Variants in APEH observed in about 807,000 individuals in gnomAD.
The protein encoded by APEH is acylaminoacyl-peptide hydrolase.
APEH carries 75 observed loss-of-function variants against 102.7 expected under a neutral mutation model. That is an observed-to-expected ratio of 0.73 (90% CI 0.61 to 0.89). The LOEUF is 0.89. Among genes scored for constraint, APEH ranks in the 40% least tolerant of loss-of-function variants. APEH has a pLI of 0.00. For missense variants in APEH, 863 were observed against 941.2 expected (o/e 0.92, Z 1.09); for synonymous variants, 344 against 362.7 (o/e 0.95, Z 0.59).
At chr3:49,675,116 G>A (rs1196748636) in intron 2 of APEH, 67 bp from the exon 3 acceptor site, 1 of 1,605,572 alleles carries the variant, frequency 6.2e-7, no homozygotes, top group African/African-American at 1.3e-5. Flanking sequence ...CCTGGGTCAG[G>A]TGGGGCTGGG....
At chr3:49,678,759 C>T (rs541562067) in intron 11 of APEH, 93 bp from the exon 12 acceptor site, 1 of 1,056,446 alleles carries the variant, frequency 9.5e-7, no homozygotes. Context: ...TGAGTAGGGC[C>T]CTGGGTGAAT....
Position 49,679,848 on chromosome 3 carries a change from G to A in APEH, c.1210+204G>A. 1 of 554,958 alleles carries A rather than the reference G, an allele frequency of 1.8e-6. No individual in the cohort carries two copies. The highest frequency in any genetic ancestry group is 2.0e-5 in the South Asian group (1 of 51,188). 34.4% of individuals were successfully genotyped at this position (554,958 alleles called of 1,614,324 possible). ...ACCCAACCAACAGACTAGCTTCCCT[G>A]CTCTACTGCCCTTTAGCACTCAACT... On this transcript the variant is annotated intron_variant, in intron 13 of 21. Transcript: ENST00000296456. The surrounding 1 kb of genome is among the most constrained non-coding windows in gnomAD (Gnocchi z 4.3).
Position 49,679,019 on chromosome 3 carries a change from T to G in APEH, c.1158+70T>G. The G allele has an allele frequency of 7.7e-7, 1 of 1,293,378 alleles. No homozygotes were observed. The highest frequency in any genetic ancestry group is 1.1e-6 in the Non-Finnish European group (1 of 902,820). 80.1% of individuals were successfully genotyped at this position (1,293,378 alleles called of 1,614,324 possible). A position where few individuals can be genotyped will look rare whatever the true frequency, so the allele number is the denominator to read the frequency against. On this transcript the variant is annotated intron_variant, in intron 12 of 21. Transcript: ENST00000296456. The surrounding 1 kb of genome is among the most constrained non-coding windows in gnomAD (Gnocchi z 4.3). ...CCCCAGGAGCCCTGGGGGTTGCATG[T>G]GCATGCCCCTGGGTGGAATGCCCAG...
Position 49,676,125 on chromosome 3 carries a change from C to A in APEH, c.512C>A (p.Pro171His). 6.2e-7 allele frequency: 1 copy of A among 1,614,214 alleles called. No homozygotes were observed. The highest frequency in any genetic ancestry group is 8.5e-7 in the Non-Finnish European group (1 of 1,180,038). Residue 171 changes from proline to histidine, a missense_variant, in exon 6 of 22, where the codon CCC (proline) becomes CAC (histidine). Transcript: ENST00000296456. ...HLLYVAEKKR[P>H]KAESFFQTKA... ...TTGTATGTGGCAGAGAAGAAGCGCC[C>A]CAAGGCCGAGTCCTTCTTTCAGACC... is the stretch of plus-strand genomic sequence containing the variant.
At chr3:49,682,016 G>C in intron 17 of APEH, 49 bp downstream of exon 17, 1 of 1,571,364 alleles carries the variant, frequency 6.4e-7, no homozygotes, top group Non-Finnish European at 8.8e-7. Context: ...GTGGAGTGAC[G>C]GGGGTGGACC....
rs2053448271 is a variant in APEH, at chr3:49,683,424, A to C, written c.*82A>C. Reference sequence around the variant, plus strand: ...CTCAACGGTCTGGCAGGGCAGCAGGAGGCTTTCTGGGCTCTGGACTCCACG... The same window carrying C: ...CTCAACGGTCTGGCAGGGCAGCAGGCGGCTTTCTGGGCTCTGGACTCCACG... On this transcript the variant is annotated 3_prime_UTR_variant, in exon 22 of 22. Transcript: ENST00000296456. 2 of 1,276,494 alleles carry C rather than the reference A, an allele frequency of 1.6e-6. No individual in the cohort carries two copies. The highest frequency in any genetic ancestry group is 1.7e-5 in the Admixed American group (1 of 59,118). 79.1% of individuals were successfully genotyped at this position (1,276,494 alleles called of 1,614,324 possible).
In APEH at chr3:49,674,589, A is replaced by G. The variant is rs373871160; in HGVS notation, c.113A>G (p.Gln38Arg). Residue 38 changes from glutamine to arginine, a missense_variant, in exon 2 of 22, where the codon CAG (glutamine) becomes CGG (arginine). By Grantham distance (43) the Gln-to-Arg change is conservative. Coordinates refer to ENST00000296456, the MANE Select transcript of APEH (RefSeq NM_001640.4). ...AACLGPEVTT[Q>R]YGGQYRTVHT... ...TGCCTGGGCCCGGAGGTCACCACGC[A>G]GTACGGCGGCCAATACCGGACGGTG... The G allele has an allele frequency of 6.3e-4, 996 of 1,580,930 alleles. 7 individuals are homozygous for G. The South Asian group carries it at 6.9e-3, about 11-fold the overall frequency.
intron 14 of APEH, 76 bp downstream of exon 14, chr3:49,680,705 C>T: frequency 4.5e-6 from 6 of 1,342,484 alleles, no homozygotes; most frequent in Non-Finnish European, 6.3e-6. Context: ...GGGAATTGGC[C>T]CCAGAGTCTG....
At chr3:49,675,425 T>G in intron 3 of APEH, 116 bp downstream of exon 3, 1 of 1,430,576 alleles carries the variant, frequency 7.0e-7, no homozygotes, top group Non-Finnish European at 9.5e-7. Context: ...CTTGCCCCCT[T>G]GGGAGCTCAT....
At position 49,676,221 on chromosome 3, in the gene APEH, T is replaced by C. The variant is rs1280627014; in HGVS notation, c.606+2T>C. On this transcript the variant is annotated splice_donor_variant, in intron 6 of 21. Transcript: ENST00000296456. LOFTEE classifies it high-confidence loss of function. ...AAGAAGCCAGACCAAGCCATCAAGGTGCTCGTGGTCAATCCACGAAGGCCC... is the reference window on the plus strand; with the variant it reads ...AAGAAGCCAGACCAAGCCATCAAGGCGCTCGTGGTCAATCCACGAAGGCCC... 4 of 1,613,614 alleles carry C rather than the reference T, an allele frequency of 2.5e-6. No homozygotes were observed. In the African/African-American group the frequency reaches 5.3e-5, roughly 22 times the overall value.
Position 49,676,132 on chromosome 3 carries a change from C to T in APEH, c.519C>T (p.Ala173=), listed in dbSNP as rs763159787. 5.3e-5 allele frequency: 85 copies of T among 1,614,098 alleles called. No homozygotes were observed. Among genetic ancestry groups the T allele is most frequent in the East Asian group, 2.2e-5 (1 of 44,898 alleles). ...LYVAEKKRPK[A]ESFFQTKALD... ...TGGCAGAGAAGAAGCGCCCCAAGGC[C>T]GAGTCCTTCTTTCAGACCAAAGCCT... The change falls in exon 6 of 22, where the codon GCC becomes GCT. Residue 173 remains alanine, a synonymous_variant. Coordinates refer to ENST00000296456, the MANE Select transcript of APEH (RefSeq NM_001640.4).
upstream of APEH, chr3:49,674,183 C>G (rs1180542151): frequency 8.3e-6 from 5 of 605,580 alleles, no homozygotes; most frequent in South Asian, 8.4e-5. Context: ...GACCCCTGCT[C>G]TCACCCACCC....
chr3:49,675,558 A>G (rs551879411), intron 3 of APEH, 136 bp from the exon 4 acceptor site: 803 of 1,009,272 alleles, frequency 8.0e-4, no homozygotes, highest in Non-Finnish European at 1.0e-3. Context: ...GAGGAAAGGC[A>G]AGGTGGGGCT....
Position 49,682,597 on chromosome 3 carries a change from G to A in APEH, c.1744G>A (p.Ala582Thr), listed in dbSNP as rs775821017. The change falls in exon 19 of 22, where the codon GCC (alanine) becomes ACC (threonine). Residue 582 changes from alanine (A) to threonine (T), a missense_variant. Coordinates refer to ENST00000296456, the MANE Select transcript of APEH (RefSeq NM_001640.4). ...QEEHFDASHVALMGGSHGGFI... is the reference protein window; with the variant it reads ...QEEHFDASHVTLMGGSHGGFI... ...GGAACACTTTGATGCAAGCCATGTGGCCCTTATGGGTGGTTCCCATGGTGG... is the reference window on the plus strand; with the variant it reads ...GGAACACTTTGATGCAAGCCATGTGACCCTTATGGGTGGTTCCCATGGTGG... 6.2e-7 allele frequency: 1 copy of A among 1,614,154 alleles called. No individual in the cohort carries two copies. The highest frequency in any genetic ancestry group is 2.2e-5 in the East Asian group (1 of 44,882).
In APEH at chr3:49,676,489, G is replaced by T; in HGVS notation, c.718G>T (p.Val240Phe). The T allele has an allele frequency of 6.2e-7, 1 of 1,614,264 alleles. No individual in the cohort carries two copies. Among genetic ancestry groups the T allele is most frequent in the Non-Finnish European group, 8.5e-7 (1 of 1,180,040 alleles). Residue 240 changes from valine to phenylalanine, a missense_variant, in exon 7 of 22, where the codon GTC becomes TTC. By Grantham distance (50) the Val-to-Phe change is conservative (BLOSUM62 -1). Transcript: ENST00000296456. ...ESGNISVLEG[V>F]PENVSPGQAF... Reference sequence around the variant, plus strand: ...TGGCAACATCTCTGTGCTTGAGGGGGTCCCTGAGAATGTGTCCCCTGGACA... The same window carrying T: ...TGGCAACATCTCTGTGCTTGAGGGGTTCCCTGAGAATGTGTCCCCTGGACA...
chr3:49,676,465 G>A lies in APEH; in HGVS notation c.694G>A (p.Gly232Ser). The stretch of plus-strand genomic sequence containing the variant: ...GCTCTGCGTGCTGGATGTCGAGAGT[G>A]GCAACATCTCTGTGCTTGAGGGGGT... ...PVLCVLDVES[G>S]NISVLEGVPE... The change falls in exon 7 of 22, where the codon GGC becomes AGC. Residue 232 changes from glycine to serine, a missense_variant. Physicochemically the swap from Gly to Ser is moderately conservative, Grantham distance 56. Transcript: ENST00000296456. 1 of 1,614,244 alleles carries A rather than the reference G, an allele frequency of 6.2e-7. No individual in the cohort carries two copies. The highest frequency in any genetic ancestry group is 8.5e-7 in the Non-Finnish European group (1 of 1,180,028).
rs372633002 is a variant in APEH at position 49,676,875 on chromosome 3, G to A, written c.878-28G>A. 2.2e-5 allele frequency: 36 copies of A among 1,614,118 alleles called. No homozygotes were observed. In the African/African-American group the frequency reaches 3.3e-4, roughly 15 times the overall value. ...ACACATGTTGGCCCTGCCAGCCTGC[G>A]TGATGCTCATGTTTCCATCTGGCCC... is the stretch of plus-strand genomic sequence containing the variant. On this transcript the variant is annotated intron_variant, in intron 9 of 21. Coordinates refer to ENST00000296456, the MANE Select transcript of APEH (RefSeq NM_001640.4).
chr3:49,683,586 T>A lies in APEH; in HGVS notation c.*244T>A. 1.9e-6 allele frequency: 1 copy of A among 523,346 alleles called. No individual in the cohort carries two copies. Among genetic ancestry groups the A allele is most frequent in the Non-Finnish European group, 3.5e-6 (1 of 289,288 alleles). 32.4% of individuals were successfully genotyped at this position (523,346 alleles called of 1,614,324 possible). On this transcript the variant is annotated 3_prime_UTR_variant, in exon 22 of 22. Coordinates refer to ENST00000296456, the MANE Select transcript of APEH (RefSeq NM_001640.4). ...GGGTGCAGAGACCCTAGGTTCTGGG[T>A]GTGGCAGCCACAAGGGCTTCATCTG...
At chr3:49,675,404 G>C in intron 3 of APEH, 95 bp downstream of exon 3, 1 of 1,526,650 alleles carries the variant, frequency 6.6e-7, no homozygotes, top group South Asian at 1.2e-5. Flanking sequence ...AGGGAGGCCA[G>C]CAGCCAGGTT....
Sources: allele counts gnomAD v4.1 joint callset, GRCh38; gene constraint gnomAD v4.1.1; non-coding constraint Gnocchi (gnomAD v3.1); transcripts MANE v1.5; gene names NCBI Gene and HGNC (gene_info 2026-07-23, HGNC 2026-07-21).